Variants in PLXNA4 observed in about 807,000 individuals in gnomAD.
PLXNA4 encodes plexin-A4.
Under a neutral mutation model 191.8 loss-of-function variants are expected in PLXNA4, and 44 were observed. That is an observed-to-expected ratio of 0.23 (90% CI 0.18 to 0.29). PLXNA4 has a LOEUF of 0.29. Among genes scored for constraint, PLXNA4 ranks in the 10% least tolerant of loss-of-function variants. The pLI is 1.00. For synonymous variants in PLXNA4, 1,082 were observed against 1,009.5 expected, an observed-to-expected ratio of 1.07 and a Z score of -1.36; for missense variants, 1,800 against 2,488.8, an observed-to-expected ratio of 0.72 and a Z score of 5.89.
At chr7:132,237,861 C>T (rs895962584) in intron 5 of PLXNA4, among the ~76,000 whole-genome samples, 3 of 152,150 alleles carry the variant, frequency 2.0e-5, no homozygotes, top group African/African-American at 4.8e-5. Context: ...TGACAAAAAT[C>T]GGTACCCGTG....
At chr7:132,140,918 A>C in intron 29 of PLXNA4, 107 bp from the exon 30 acceptor site, 2 of 1,515,064 alleles carry the variant, frequency 1.3e-6, no homozygotes, top group Non-Finnish European at 1.8e-6. Context: ...AACTAATAGA[A>C]CTTAAGAGCC....
chr7:132,402,363 C>T (rs1794022484), intron 3 of PLXNA4, among the ~76,000 whole-genome samples: 1 of 152,134 alleles, frequency 6.6e-6, no homozygotes, highest in Admixed American at 6.5e-5. Flanking sequence ...GGGGCACTCA[C>T]CTAACATGAG....
chr7:132,294,378 G>A lies in PLXNA4; in HGVS notation c.1503+3713C>T, dbSNP rs184949397. The stretch of plus-strand genomic sequence containing the variant: ...GGGGAGCAGGGAGAGCGGGGAGAGC[G>A]GCAGGTGATGAGCTTGGACATCTCA... On this transcript the variant is annotated intron_variant, in intron 4 of 31. Transcript: ENST00000321063. Among the ~76,000 whole-genome samples, 41 of 152,302 alleles carry A rather than the reference G, an allele frequency of 2.7e-4. 1 individual carries two copies. The highest frequency in any genetic ancestry group is 1.8e-3 in the Admixed American group (27 of 15,296).
chr7:132,234,650 G>A (rs529304074), intron 5 of PLXNA4, among the ~76,000 whole-genome samples: 3 of 150,656 alleles, frequency 2.0e-5, no homozygotes, highest in Non-Finnish European at 3.0e-5. Flanking sequence ...GGGGCTTGGC[G>A]GGGGGCAGGG....
intron 3 of PLXNA4, among the ~76,000 whole-genome samples, chr7:132,448,950 T>C (rs1474394261): frequency 6.6e-6 from 1 of 152,236 alleles, no homozygotes; most frequent in African/African-American, 2.4e-5. Context: ...TAACCATGGT[T>C]GTACCTGGTA....
intron 20 of PLXNA4, among the ~76,000 whole-genome samples, chr7:132,176,922 GTA>G (rs1426834665): frequency 4.8e-5 from 7 of 147,222 alleles, no homozygotes; most frequent in African/African-American, 1.4e-4. Context: ...GAGTGCATGA[GTA>G]TGTGGGCATG....
chr7:132,365,241 AGTGAATAATG>A (rs928637565), intron 3 of PLXNA4, among the ~76,000 whole-genome samples: 2 of 152,136 alleles, frequency 1.3e-5, no homozygotes, highest in African/African-American at 4.8e-5. Flanking sequence ...AAAAAGCACT[AGTGAATAATG>A]GTCCCTTGAG....
chr7:132,450,290 T>A (rs2117296795), intron 3 of PLXNA4, among the ~76,000 whole-genome samples: 1 of 152,314 alleles, frequency 6.6e-6, no homozygotes, highest in African/African-American at 2.4e-5. Context: ...TGGCCTCTAC[T>A]CTTCCTCAGC....
At chr7:132,564,806 C>T (rs556595685) in intron 1 of PLXNA4, among the ~76,000 whole-genome samples, 49 of 152,248 alleles carry the variant, frequency 3.2e-4, no homozygotes, top group Middle Eastern at 3.4e-3. Context: ...TCTTTTTCTG[C>T]AGTCCCCAAT....
At chr7:132,433,084 C>G (rs1245253360) in intron 3 of PLXNA4, among the ~76,000 whole-genome samples, 2 of 152,132 alleles carry the variant, frequency 1.3e-5, no homozygotes, top group African/African-American at 4.8e-5. Flanking sequence ...ACAGGGCCAA[C>G]AAAAATGACT....
intron 3 of PLXNA4, among the ~76,000 whole-genome samples, chr7:132,427,875 C>T (rs1563092849): frequency 1.3e-5 from 2 of 152,252 alleles, no homozygotes; most frequent in Non-Finnish European, 2.9e-5. Flanking sequence ...ATCTCCCCGC[C>T]TCAGGGGGTT....
chr7:132,504,930 G>A (rs10808265), intron 2 of PLXNA4, among the ~76,000 whole-genome samples: 50,894 of 152,172 alleles, frequency 0.33, 9,977 homozygotes, highest in South Asian at 0.5. Flanking sequence ...CACGAAACAC[G>A]TGTGGTCTGA....
intron 1 of PLXNA4, among the ~76,000 whole-genome samples, chr7:132,571,996 G>A (rs2116765156): frequency 6.6e-6 from 1 of 152,222 alleles, no homozygotes; most frequent in Middle Eastern, 3.4e-3. Flanking sequence ...GGGAAATCGA[G>A]GCTCAGTGAA....
intron 3 of PLXNA4, among the ~76,000 whole-genome samples, chr7:132,356,517 C>A (rs1264350488): frequency 6.6e-6 from 1 of 152,208 alleles, no homozygotes; most frequent in East Asian, 1.9e-4. Context: ...CACATAAGGG[C>A]AAACCCCTGC....
intron 10 of PLXNA4, among the ~76,000 whole-genome samples, chr7:132,205,727 G>T (rs1390337878): frequency 6.6e-6 from 1 of 152,152 alleles, no homozygotes; most frequent in African/African-American, 2.4e-5. Context: ...GGCAGTGCTG[G>T]GGCAGGCTGA....
chr7:132,565,513 T>G (rs1271939250), intron 1 of PLXNA4, among the ~76,000 whole-genome samples: 1 of 152,190 alleles, frequency 6.6e-6, no homozygotes, highest in Admixed American at 6.5e-5. Context: ...CACGACAGTC[T>G]TGCAGCTTCC....
chr7:132,549,147 C>A (rs1160959079), intron 1 of PLXNA4, among the ~76,000 whole-genome samples: 1 of 152,226 alleles, frequency 6.6e-6, no homozygotes, highest in Non-Finnish European at 1.5e-5. Context: ...GCTCATCCTG[C>A]TGCTCTGCCT....
intron 2 of PLXNA4, among the ~76,000 whole-genome samples, chr7:132,640,964 G>T (rs1030268950): frequency 1.3e-5 from 2 of 152,166 alleles, no homozygotes; most frequent in African/African-American, 4.8e-5. Flanking sequence ...AGTGTCAAAG[G>T]CTTCTGAATC....
chr7:132,322,284 C>T (rs1161777627), intron 3 of PLXNA4, among the ~76,000 whole-genome samples: 1 of 150,634 alleles, frequency 6.6e-6, no homozygotes, highest in East Asian at 2.0e-4. Flanking sequence ...TGGGTTCAAG[C>T]GATTCTTGTG....
Sources: gnomAD v4.1 joint callset for allele counts (sites outside exome capture counted in the v4.1 genomes callset) on GRCh38, gnomAD v4.1.1 for gene constraint, MANE v1.5 for transcripts, NCBI Gene and HGNC (gene_info 2026-07-23, HGNC 2026-07-21) for gene names.